GPR158: variants seen among roughly 807,000 people sequenced by gnomAD.
The protein encoded by GPR158 is metabotropic glycine receptor.
A neutral mutation model predicts 78.2 loss-of-function variants in GPR158; 30 were observed. The ratio of observed to expected loss-of-function variants is 0.38; its 90% CI spans 0.29 to 0.52. The LOEUF (loss-of-function observed/expected upper bound fraction) is 0.52, where lower values mean the gene tolerates loss of function less well. GPR158 is among the 20% of genes least tolerant of loss of function. GPR158 has a pLI of 0.83. For synonymous variants in GPR158, 581 were observed against 591.1 expected (o/e 0.98, Z 0.25); for missense variants, 1,463 against 1,523.5 (o/e 0.96, Z 0.66).
intron 2 of GPR158, among the ~76,000 whole-genome samples, chr10:25,346,943 T>C (rs559732963): frequency 6.3e-4 from 96 of 152,112 alleles, no homozygotes; most frequent in African/African-American, 2.2e-3. Flanking sequence ...CCAGTAGTGT[T>C]ACCTTGGAAA....
intron 4 of GPR158, among the ~76,000 whole-genome samples, chr10:25,425,357 T>C (rs1564452115): frequency 6.6e-6 from 1 of 152,124 alleles, no homozygotes; most frequent in Non-Finnish European, 1.5e-5. Context: ...TATTTTTTTA[T>C]TATGGCCATT....
intron 4 of GPR158, among the ~76,000 whole-genome samples, chr10:25,461,197 G>A (rs146539301): frequency 1.3e-5 from 2 of 152,280 alleles, no homozygotes; most frequent in East Asian, 1.9e-4. Flanking sequence ...TAAATCAAAA[G>A]CTAGAATTGA....
At chr10:25,338,449 TA>T (rs1855246034) in intron 2 of GPR158, among the ~76,000 whole-genome samples, 1 of 143,154 alleles carries the variant, frequency 7.0e-6, no homozygotes, top group Non-Finnish European at 1.5e-5. Flanking sequence ...TATATATACG[TA>T]ATATATATAT....
At chr10:25,371,188 T>A (rs1423989599) in intron 2 of GPR158, among the ~76,000 whole-genome samples, 1 of 150,478 alleles carries the variant, frequency 6.6e-6, no homozygotes, top group African/African-American at 2.5e-5. Flanking sequence ...AATATTGTTA[T>A]GTGTGAATTT....
At chr10:25,274,164 C>G (rs1355038728) in intron 2 of GPR158, among the ~76,000 whole-genome samples, 2 of 152,058 alleles carry the variant, frequency 1.3e-5, no homozygotes, top group Non-Finnish European at 2.9e-5. Context: ...TACACAACAC[C>G]AAAGATTGTT....
At chr10:25,401,775 A>G (rs1834449386) in intron 3 of GPR158, among the ~76,000 whole-genome samples, 1 of 152,104 alleles carries the variant, frequency 6.6e-6, no homozygotes, top group Non-Finnish European at 1.5e-5. Context: ...TTACCAACAT[A>G]ATAGTGACAA....
chr10:25,359,344 A>G (rs36050477), intron 2 of GPR158, among the ~76,000 whole-genome samples: 15,111 of 151,972 alleles, frequency 0.099, 1,853 homozygotes, highest in African/African-American at 0.3. Context: ...ATGCCATGGT[A>G]GTTTTCTGCA....
At chr10:25,578,139 C>T (rs1349509905) in intron 7 of GPR158, among the ~76,000 whole-genome samples, 2 of 152,192 alleles carry the variant, frequency 1.3e-5, no homozygotes, top group Admixed American at 1.3e-4. Flanking sequence ...TTATATGACT[C>T]AGTACCCTGA....
Position 25,175,879 on chromosome 10 carries a change from C to T in GPR158, c.459C>T (p.Asp153=), listed in dbSNP as rs1476676696. ...NKSREQNLQD[D]LDWYQALVWS... is the part of the protein sequence containing the mutation. ...CGCGGGAGCAGAACTTGCAGGACGA[C>T]CTGGATTGGTACCAGGCGCTGGTGT... Residue 153 remains aspartate, a synonymous_variant, in exon 1 of 11, where the codon GAC becomes GAT. Transcript: ENST00000376351. This position sits in a 1 kb window ranked among gnomAD's most constrained non-coding sequence, Gnocchi z 6.4. 14 of 1,613,902 alleles carry T rather than the reference C, an allele frequency of 8.7e-6. No individual in the cohort carries two copies. Among genetic ancestry groups the T allele is most frequent in the Admixed American group, 1.7e-5 (1 of 60,028 alleles).
chr10:25,193,416 C>G (rs562554341), intron 1 of GPR158, among the ~76,000 whole-genome samples: 1 of 152,136 alleles, frequency 6.6e-6, no homozygotes, highest in Admixed American at 6.5e-5. Context: ...CATCACATTC[C>G]AGAGAGGAAG....
chr10:25,216,471 G>T (rs1473821212), intron 1 of GPR158, among the ~76,000 whole-genome samples: 4 of 151,882 alleles, frequency 2.6e-5, no homozygotes, highest in Non-Finnish European at 5.9e-5. Context: ...GGTATTTTTT[G>T]GGGGTGGGGG....
chr10:25,177,007 C>A (rs1852546415), intron 1 of GPR158, among the ~76,000 whole-genome samples: 1 of 152,126 alleles, frequency 6.6e-6, no homozygotes. Flanking sequence ...TCCTCGGTGG[C>A]CTTTTCCTCC....
chr10:25,210,437 T>C (rs573540502), intron 1 of GPR158, among the ~76,000 whole-genome samples: 1 of 152,324 alleles, frequency 6.6e-6, no homozygotes, highest in African/African-American at 2.4e-5. Flanking sequence ...TCACTAAATA[T>C]TGTAAGATTA....
At chr10:25,593,154 G>A (rs139831540) in intron 8 of GPR158, among the ~76,000 whole-genome samples, 63 of 152,004 alleles carry the variant, frequency 4.1e-4, no homozygotes, top group African/African-American at 1.4e-3. Flanking sequence ...TAGACACAAG[G>A]GAAAATAATT....
At chr10:25,261,607 A>G (rs1853969200) in intron 2 of GPR158, among the ~76,000 whole-genome samples, 1 of 152,208 alleles carries the variant, frequency 6.6e-6, no homozygotes, top group Non-Finnish European at 1.5e-5. Flanking sequence ...CACTTGGATT[A>G]TGAATGGCTT....
Position 25,176,428 on chromosome 10 carries a change from G to A in GPR158, c.902+106G>A. On this transcript the variant is annotated intron_variant, in intron 1 of 10. Coordinates refer to ENST00000376351, the MANE Select transcript of GPR158 (RefSeq NM_020752.3). This position sits in a 1 kb window ranked among gnomAD's most constrained non-coding sequence, Gnocchi z 6.3. ...AGGAACCCTTGGCTGTGACGCGAAC[G>A]CTTCTCACCCTCAGAGTAGAGACCC... 1 of 926,524 alleles carries A rather than the reference G, an allele frequency of 1.1e-6. No homozygotes were observed. Among genetic ancestry groups the A allele is most frequent in the Non-Finnish European group, 1.6e-6 (1 of 630,936 alleles). 57.4% of individuals were successfully genotyped at this position (926,524 alleles called of 1,614,324 possible).
chr10:25,372,911 A>G (rs1834020544), intron 2 of GPR158, among the ~76,000 whole-genome samples: 1 of 151,932 alleles, frequency 6.6e-6, no homozygotes, highest in Non-Finnish European at 1.5e-5. Flanking sequence ...AAAGACCTAA[A>G]AACAGAACTG....
In GPR158 at chr10:25,594,285, A is replaced by T. The variant is rs1837374284; in HGVS notation, c.1893-7A>T. ...TGGATTGTTAACTCAATGAATTCTC[A>T]TTTCAGATTTGTTCTTGCCTCAAGA... On this transcript the variant is annotated splice_region_variant and splice_polypyrimidine_tract_variant and intron_variant, in intron 8 of 10. Transcript: ENST00000376351. 7.2e-7 allele frequency: 1 copy of T among 1,389,758 alleles called. No homozygotes were observed. The highest frequency in any genetic ancestry group is 1.0e-6 in the Non-Finnish European group (1 of 976,738). The allele number at this position is 1,389,758 out of a possible 1,614,324, so 86.1% of individuals were successfully genotyped here.
intron 2 of GPR158, among the ~76,000 whole-genome samples, chr10:25,384,110 C>T (rs1834190818): frequency 6.6e-6 from 1 of 152,038 alleles, no homozygotes; most frequent in South Asian, 2.1e-4. Context: ...ATCTCATATA[C>T]CCTGCATGCT....
Sources: gnomAD v4.1 joint callset for allele counts (sites outside exome capture counted in the v4.1 genomes callset) on GRCh38, gnomAD v4.1.1 for gene constraint, Gnocchi (gnomAD v3.1) non-coding constraint, MANE v1.5 for transcripts, NCBI Gene and HGNC (gene_info 2026-07-23, HGNC 2026-07-21) for gene names.